The following PTHLH variants were observed in gnomAD, a reference collection of about 807,000 sequenced individuals.
PTHLH encodes the protein parathyroid hormone-related protein.
A neutral mutation model predicts 18.6 loss-of-function variants in PTHLH; 5 were observed. The observed-to-expected ratio is 0.27, with a 90% confidence interval of 0.14 to 0.56. The LOEUF (loss-of-function observed/expected upper bound fraction) is 0.56. Among genes scored for constraint, PTHLH ranks in the 20% least tolerant of loss-of-function variants. The pLI is 0.92. For missense variants in PTHLH, 207 were observed against 223.9 expected (o/e 0.92, Z 0.48); for synonymous variants, 90 against 94.0 (o/e 0.96, Z 0.25).
At position 27,963,577 on chromosome 12, in the gene PTHLH, C is replaced by A; in HGVS notation, c.295G>T (p.Asp99Tyr). ...KNHPVRFGSDDEGRYLTQETN... is the reference protein window; with the variant it reads ...KNHPVRFGSDYEGRYLTQETN... ...TCCTGAGTTAGGTATCTGCCCTCAT[C>A]ATCAGACCCAAATCGGACGGGGTGG... Residue 99 changes from aspartate (D) to tyrosine (Y), a missense_variant, in exon 5 of 6, where the codon GAT (aspartate) becomes TAT (tyrosine). Coordinates refer to ENST00000545234, the MANE Select transcript of PTHLH (RefSeq NM_198965.2). The A allele has an allele frequency of 6.2e-7, 1 of 1,614,192 alleles. No individual in the cohort carries two copies.
Position 27,969,378 on chromosome 12 carries a change from A to G in PTHLH, c.101+16T>C. Reference sequence around the variant, plus strand: ...GCCTCCCCAACCCGGCGCCCTGGGGAGGATGGGGCACTTACAGGCGGCGGC... The same window carrying G: ...GCCTCCCCAACCCGGCGCCCTGGGGGGGATGGGGCACTTACAGGCGGCGGC... On this transcript the variant is annotated intron_variant, in intron 4 of 5. Transcript: ENST00000545234. The G allele has an allele frequency of 6.4e-7, 1 of 1,562,392 alleles. No individual in the cohort carries two copies. The highest frequency in any genetic ancestry group is 8.6e-7 in the Non-Finnish European group (1 of 1,157,774).
intron 4 of PTHLH, among the ~76,000 whole-genome samples, chr12:27,967,440 G>A (rs567433082): frequency 3.9e-5 from 6 of 152,212 alleles, no homozygotes; most frequent in Admixed American, 3.3e-4. Flanking sequence ...TGTGAAAACC[G>A]GGGAGTAATA....
chr12:27,968,449 C>G (rs760801984), intron 4 of PTHLH, among the ~76,000 whole-genome samples: 37 of 152,292 alleles, frequency 2.4e-4, no homozygotes, highest in Non-Finnish European at 4.7e-4. Flanking sequence ...CATCTCAGTT[C>G]TCGAACTTTA....
intron 5 of PTHLH, among the ~76,000 whole-genome samples, chr12:27,961,289 A>ATATATATATATATG (rs1216700849): frequency 9.5e-5 from 3 of 31,574 alleles, no homozygotes; most frequent in African/African-American, 2.8e-4. Flanking sequence ...ATATATACGT[A>ATATATATATATATG]TATATATATA....
At chr12:27,961,313 A>ACGTATATATATACG in intron 5 of PTHLH, among the ~76,000 whole-genome samples, 1 of 123,438 alleles carries the variant, frequency 8.1e-6, no homozygotes. Flanking sequence ...ATATATATAT[A>ACGTATATATATACG]TATATATACG....
intron 5 of PTHLH, 141 bp downstream of exon 5, chr12:27,963,207 A>G (rs2120628475): frequency 6.5e-7 from 1 of 1,538,612 alleles, no homozygotes; most frequent in African/African-American, 1.4e-5. Context: ...ATTCTGAGTT[A>G]TTCTCTGTCA....
At chr12:27,969,063 G>A in intron 4 of PTHLH, 2 of 318,802 alleles carry the variant, frequency 6.3e-6, no homozygotes, top group Non-Finnish European at 1.2e-5. Context: ...GAAGCTTCCC[G>A]GGTCCTGACA....
chr12:27,964,207 T>TAAAAGGC (rs1306717923), intron 4 of PTHLH, among the ~76,000 whole-genome samples: 1 of 151,270 alleles, frequency 6.6e-6, no homozygotes, highest in Non-Finnish European at 1.5e-5. Context: ...GCCTGGGAAA[T>TAAAAGGC]AAAAGGCAGC....
intron 5 of PTHLH, among the ~76,000 whole-genome samples, chr12:27,958,956 A>G (rs2062732797): frequency 6.6e-6 from 1 of 152,192 alleles, no homozygotes; most frequent in African/African-American, 2.4e-5. Context: ...AATACAATTC[A>G]CTTGGAAGTT....
intron 2 of PTHLH, among the ~76,000 whole-genome samples, chr12:27,971,023 G>A (rs2062867767): frequency 6.6e-6 from 1 of 152,074 alleles, no homozygotes; most frequent in Non-Finnish European, 1.5e-5. Flanking sequence ...AAAAACCCGC[G>A]CACAGGAGAG....
chr12:27,963,785 A>G lies in PTHLH; in HGVS notation c.102-15T>C. 1 of 1,612,976 alleles carries G rather than the reference A, an allele frequency of 6.2e-7. No homozygotes were observed. The highest frequency in any genetic ancestry group is 8.5e-7 in the Non-Finnish European group (1 of 1,179,164). ...CAGCTCTTTTGCTTTGAAAGAAAAT[A>G]TTAGAGGGGAAGAAAACAGTTAAAT... is the stretch of plus-strand genomic sequence containing the variant. On this transcript the variant is annotated splice_polypyrimidine_tract_variant and intron_variant, in intron 4 of 5. Transcript: ENST00000545234.
At chr12:27,965,743 G>A (rs1262743742) in intron 4 of PTHLH, among the ~76,000 whole-genome samples, 1 of 152,140 alleles carries the variant, frequency 6.6e-6, no homozygotes, top group African/African-American at 2.4e-5. Flanking sequence ...CTTACTCTGC[G>A]GTAATAGTTA....
At position 27,970,903 on chromosome 12, in the gene PTHLH, G is replaced by C. The variant is rs1339507804; in HGVS notation, c.-265-636C>G. On this transcript the variant is annotated intron_variant, in intron 2 of 5. Transcript: ENST00000545234. ...TGAACTGAGTGGGGAGCATCGGCTA[G>C]AGAGAGGGAGATCTTTTGCTTAGAA... 3.3e-5 allele frequency among the ~76,000 whole-genome samples: 5 copies of C among 152,194 alleles called. No individual in the cohort carries two copies. The East Asian group carries it at 7.7e-4, about 23-fold the overall frequency.
At chr12:27,963,324 C>G (rs767388224) in intron 5 of PTHLH, 24 bp downstream of exon 5, 2 of 1,614,094 alleles carry the variant, frequency 1.2e-6, no homozygotes, top group African/African-American at 2.7e-5. Flanking sequence ...CCCGCTGAGG[C>G]TACGGGCCAG....
intron 5 of PTHLH, among the ~76,000 whole-genome samples, chr12:27,959,887 T>C (rs145282872): frequency 6.4e-4 from 98 of 152,346 alleles, no homozygotes; most frequent in African/African-American, 2.2e-3. Flanking sequence ...CTCAATAATC[T>C]GCATTCTTTA....
chr12:27,963,906 A>C, intron 4 of PTHLH, 136 bp from the exon 5 acceptor site: 11 of 853,882 alleles, frequency 1.3e-5, no homozygotes, highest in East Asian at 2.6e-5. Flanking sequence ...TAGCAAGCTC[A>C]TTGCGCAGGG....
At chr12:27,963,914 G>A in intron 4 of PTHLH, 144 bp from the exon 5 acceptor site, 2 of 808,572 alleles carry the variant, frequency 2.5e-6, no homozygotes, top group Non-Finnish European at 3.9e-6. Flanking sequence ...TCATTGCGCA[G>A]GGAAGGGTAA....
Position 27,958,563 on chromosome 12 carries a change from T to C in PTHLH, c.530A>G (p.His177Arg). Residue 177 changes from histidine to arginine, a missense_variant, in exon 6 of 6, where the codon CAT becomes CGT. Coordinates refer to ENST00000545234, the MANE Select transcript of PTHLH (RefSeq NM_198965.2). ...TTSLELDSRRH is the reference protein window; with the variant it reads ...TTSLELDSRRR ...GGAAGGTCTCTGCTGAAAATTTCAA[T>C]GCCTCCTGCAAAAAGAAGGAAGAGA... 6.4e-7 allele frequency: 1 copy of C among 1,574,296 alleles called. No homozygotes were observed. The highest frequency in any genetic ancestry group is 8.6e-7 in the Non-Finnish European group (1 of 1,157,972).
At chr12:27,958,670 A>G (rs2062730785) in intron 5 of PTHLH, 102 bp from the exon 6 acceptor site, 2 of 1,150,934 alleles carry the variant, frequency 1.7e-6, no homozygotes, top group Admixed American at 2.5e-5. Flanking sequence ...ATGCAAAATC[A>G]CAATGGAAAG....
Sources: gnomAD v4.1 joint callset for allele counts (sites outside exome capture counted in the v4.1 genomes callset) on GRCh38, gnomAD v4.1.1 for gene constraint, MANE v1.5 for transcripts, NCBI Gene and HGNC (gene_info 2026-07-23, HGNC 2026-07-21) for gene names.